The following TAOK3 variants were observed in gnomAD, a reference collection of about 807,000 sequenced individuals.
The protein encoded by TAOK3 is serine/threonine-protein kinase TAO3.
Under a neutral mutation model 120.4 loss-of-function variants are expected in TAOK3, and 40 were observed. The observed-to-expected ratio is 0.33, with a 90% confidence interval of 0.26 to 0.43. The LOEUF is 0.43. Ranked by LOEUF, TAOK3 falls within the 20% of genes least tolerant of loss-of-function variation. The probability of loss-of-function intolerance (pLI) is 1.00; values close to 1 mark genes in which losing one functional copy is unlikely to be tolerated. For synonymous variants in TAOK3, 355 were observed against 387.5 expected (o/e 0.92, Z 0.99); for missense variants, 821 against 1,112.1 (o/e 0.74, Z 3.72).
chr12:118,218,828 C>T (rs543396393), intron 9 of TAOK3, among the ~76,000 whole-genome samples: 180 of 152,246 alleles, frequency 1.2e-3, no homozygotes, highest in Admixed American at 4.9e-3. Context: ...GTGGCTTGTG[C>T]CTGTAATCCC....
intron 2 of TAOK3, among the ~76,000 whole-genome samples, chr12:118,256,988 C>T (rs949143899): frequency 2.0e-5 from 3 of 152,084 alleles, no homozygotes; most frequent in Non-Finnish European, 2.9e-5. Context: ...ATTTATTAAT[C>T]GATACTATGC....
chr12:118,304,027 C>T (rs893563832), intron 1 of TAOK3, among the ~76,000 whole-genome samples: 1 of 152,204 alleles, frequency 6.6e-6, no homozygotes, highest in Admixed American at 6.6e-5. Context: ...TTTTGCCTCC[C>T]TCATGCCAAC....
intron 1 of TAOK3, among the ~76,000 whole-genome samples, chr12:118,340,674 G>A (rs1201053245): frequency 6.6e-6 from 1 of 151,848 alleles, no homozygotes; most frequent in African/African-American, 2.4e-5. Flanking sequence ...ATCAATTCAT[G>A]GCCCACGTAC....
chr12:118,359,161 A>T (rs2045509385), intron 1 of TAOK3: 1 of 152,198 alleles, frequency 6.6e-6, no homozygotes, highest in South Asian at 2.1e-4. Flanking sequence ...AGTGAGGCTT[A>T]AAGAGAGTAC....
Position 118,235,631 on chromosome 12 carries a change from G to A in TAOK3, c.478C>T (p.Gln160Ter). The stretch of plus-strand genomic sequence containing the variant: ...GATCCAAAATCAGCTAGTTTTACCT[G>A]ACCTGGCTCTGTTAGAAGAATATTT... ...AGNILLTEPG[Q>*]VKLADFGSAS... The change falls in exon 8 of 21, where the codon CAG becomes TAG. Residue 160 changes from glutamine to a stop codon, truncating the protein, a stop_gained. Coordinates refer to ENST00000392533, the MANE Select transcript of TAOK3 (RefSeq NM_016281.4). LOFTEE classifies it high-confidence loss of function. 1 of 1,612,790 alleles carries A rather than the reference G, an allele frequency of 6.2e-7. No individual in the cohort carries two copies. Among genetic ancestry groups the A allele is most frequent in the Non-Finnish European group, 8.5e-7 (1 of 1,179,742 alleles).
chr12:118,280,025 A>C (rs2042041396), intron 1 of TAOK3, among the ~76,000 whole-genome samples: 2 of 149,910 alleles, frequency 1.3e-5, no homozygotes, highest in African/African-American at 4.9e-5. Flanking sequence ...TTAGCCTCCC[A>C]AAGTGCTGGG....
chr12:118,169,047 C>G (rs1023174292), intron 17 of TAOK3, among the ~76,000 whole-genome samples: 1 of 151,430 alleles, frequency 6.6e-6, no homozygotes, highest in East Asian at 1.9e-4. Flanking sequence ...GAGTTTCACT[C>G]TTGTTGCCCA....
At chr12:118,183,018 C>T (rs967338022) in intron 14 of TAOK3, among the ~76,000 whole-genome samples, 1 of 151,962 alleles carries the variant, frequency 6.6e-6, no homozygotes, top group Non-Finnish European at 1.5e-5. Flanking sequence ...CTGATCACTT[C>T]CTCCCTATTT....
intron 1 of TAOK3, among the ~76,000 whole-genome samples, chr12:118,340,991 A>AT (rs201372454): frequency 0.019 from 2,819 of 146,896 alleles, 47 homozygotes; most frequent in South Asian, 0.027. Context: ...TAATATATCT[A>AT]ATTTTTTTTT....
intron 14 of TAOK3, among the ~76,000 whole-genome samples, chr12:118,182,931 C>T (rs2036854671): frequency 6.6e-6 from 1 of 152,056 alleles, no homozygotes; most frequent in South Asian, 2.1e-4. Context: ...TACATTTCAG[C>T]ACCTCTTGCT....
At chr12:118,360,226 C>T (rs1288127399) in intron 1 of TAOK3, among the ~76,000 whole-genome samples, 1 of 149,292 alleles carries the variant, frequency 6.7e-6, no homozygotes, top group Non-Finnish European at 1.5e-5. Context: ...GATTGTACCA[C>T]TGCACTCCAG....
intron 1 of TAOK3, among the ~76,000 whole-genome samples, chr12:118,328,783 A>G (rs1231670212): frequency 6.6e-6 from 1 of 152,248 alleles, no homozygotes; most frequent in Non-Finnish European, 1.5e-5. Context: ...CCACTTGTAT[A>G]AAGAAGTGCA....
chr12:118,215,292 G>A (rs2038838645), intron 9 of TAOK3, among the ~76,000 whole-genome samples: 1 of 131,312 alleles, frequency 7.6e-6, no homozygotes, highest in Non-Finnish European at 1.6e-5. Flanking sequence ...TCAGGAGATC[G>A]AGACCATCCT....
intron 3 of TAOK3, chr12:118,246,842 C>T (rs576274002): frequency 6.7e-5 from 87 of 1,300,304 alleles, no homozygotes; most frequent in Middle Eastern, 5.1e-4. Flanking sequence ...ACCTGACCCC[C>T]GACCTCTGGA....
chr12:118,246,017 G>T, intron 3 of TAOK3: 1 of 658,150 alleles, frequency 1.5e-6, no homozygotes, highest in South Asian at 2.1e-5. Context: ...TTGCAAAATA[G>T]TAATAATGTG....
chr12:118,285,290 G>A (rs1375214207), intron 1 of TAOK3, among the ~76,000 whole-genome samples: 5 of 152,054 alleles, frequency 3.3e-5, no homozygotes, highest in Admixed American at 6.6e-5. Context: ...TGGTCTGCCC[G>A]CATCAGCCTC....
chr12:118,348,349 A>T (rs1374563257), intron 1 of TAOK3, among the ~76,000 whole-genome samples: 1 of 152,228 alleles, frequency 6.6e-6, no homozygotes, highest in African/African-American at 2.4e-5. Context: ...CCTTCAATGG[A>T]GGAGGCAGTG....
intron 9 of TAOK3, among the ~76,000 whole-genome samples, chr12:118,220,907 T>A (rs2039198082): frequency 6.6e-6 from 1 of 152,246 alleles, no homozygotes; most frequent in Non-Finnish European, 1.5e-5. Flanking sequence ...TATGTTCAAG[T>A]CTTTGCTAGA....
intron 1 of TAOK3, among the ~76,000 whole-genome samples, chr12:118,294,520 A>C (rs2042602938): frequency 6.6e-6 from 1 of 151,914 alleles, no homozygotes; most frequent in Non-Finnish European, 1.5e-5. Context: ...AGTTGCTCGG[A>C]CTACAGGTGT....
Sources: gnomAD v4.1 joint callset for allele counts (sites outside exome capture counted in the v4.1 genomes callset) on GRCh38, gnomAD v4.1.1 for gene constraint, MANE v1.5 for transcripts, NCBI Gene and HGNC (gene_info 2026-07-23, HGNC 2026-07-21) for gene names.